Variants in ZBTB20 observed in about 807,000 individuals in gnomAD.
The protein encoded by ZBTB20 is zinc finger and BTB domain-containing protein 20.
ZBTB20 carries 9 observed loss-of-function variants against 56.9 expected under a neutral mutation model. The observed-to-expected ratio is 0.16, with a 90% CI of 0.10 to 0.28. The LOEUF (loss-of-function observed/expected upper bound fraction) is 0.28, where lower values mean the gene tolerates loss of function less well. Among genes scored for constraint, ZBTB20 ranks in the 10% least tolerant of loss-of-function variants. The pLI is 1.00. For synonymous variants in ZBTB20, 417 were observed against 420.7 expected (o/e 0.99, Z 0.11); for missense variants, 655 against 1,003.0 (o/e 0.65, Z 4.69).
intron 2 of ZBTB20, among the ~76,000 whole-genome samples, chr3:114,985,842 G>A (rs949315017): frequency 6.6e-6 from 1 of 152,028 alleles, no homozygotes; most frequent in African/African-American, 2.4e-5. Context: ...TATCTATAAA[G>A]TGCCAAATAA....
chr3:114,914,343 T>C (rs2075661126), intron 3 of ZBTB20, among the ~76,000 whole-genome samples: 2 of 152,186 alleles, frequency 1.3e-5, no homozygotes, highest in Admixed American at 6.6e-5. Context: ...CTATTATAAA[T>C]TGAATTACTT....
At chr3:114,726,591 G>C (rs1308049360) in intron 5 of ZBTB20, among the ~76,000 whole-genome samples, 1 of 152,076 alleles carries the variant, frequency 6.6e-6, no homozygotes, top group Admixed American at 6.5e-5. Flanking sequence ...TAATGCTGCT[G>C]GTCACTTGGA....
intron 6 of ZBTB20, among the ~76,000 whole-genome samples, chr3:114,573,059 G>A (rs1207362283): frequency 6.6e-6 from 1 of 152,120 alleles, no homozygotes; most frequent in Non-Finnish European, 1.5e-5. Flanking sequence ...TGAAAACAAA[G>A]AACAATCTAG....
chr3:114,987,011 T>C (rs1183236536), intron 2 of ZBTB20, among the ~76,000 whole-genome samples: 1 of 152,138 alleles, frequency 6.6e-6, no homozygotes, highest in Non-Finnish European at 1.5e-5. Context: ...CAAAATATTT[T>C]TGTAGCTTCA....
At chr3:114,919,310 C>T (rs2075864737) in intron 3 of ZBTB20, among the ~76,000 whole-genome samples, 2 of 151,852 alleles carry the variant, frequency 1.3e-5, no homozygotes, top group African/African-American at 4.8e-5. Flanking sequence ...AAGGTGACCA[C>T]AGGAAAAAAC....
chr3:115,125,064 C>A (rs1448841077), intron 1 of ZBTB20, among the ~76,000 whole-genome samples: 1 of 151,710 alleles, frequency 6.6e-6, no homozygotes, highest in African/African-American at 2.4e-5. Flanking sequence ...ATATACAGGC[C>A]AGGCATGCTG....
At chr3:114,829,850 A>G (rs922132706) in intron 4 of ZBTB20, among the ~76,000 whole-genome samples, 1 of 151,808 alleles carries the variant, frequency 6.6e-6, no homozygotes, top group African/African-American at 2.4e-5. Flanking sequence ...TTGGTTTTTC[A>G]TAAAGGATCT....
chr3:114,644,100 TAACAA>T (rs144974564), intron 6 of ZBTB20, among the ~76,000 whole-genome samples: 2,148 of 152,058 alleles, frequency 0.014, 51 homozygotes, highest in African/African-American at 0.048. Flanking sequence ...GCCATGATAG[TAACAA>T]AATGAATAAC....
At chr3:114,416,326 TAAA>T (rs35964942) in intron 7 of ZBTB20, among the ~76,000 whole-genome samples, 83,711 of 145,342 alleles carry the variant, frequency 0.58, 27,063 homozygotes, top group Non-Finnish European at 0.74. Context: ...TAGCAATACT[TAAA>T]AAAAAAAAAA....
At chr3:115,013,592 T>C (rs1239474886) in intron 2 of ZBTB20, among the ~76,000 whole-genome samples, 1 of 151,700 alleles carries the variant, frequency 6.6e-6, no homozygotes. Context: ...CTGCTGAATT[T>C]TACCAAACCT....
rs1218181929 is a variant in ZBTB20 at position 114,934,606 on chromosome 3, A to G, written c.-455-34264T>C. Among the ~76,000 whole-genome samples the G allele has an allele frequency of 3.3e-5, 5 of 152,280 alleles. No individual in the cohort carries two copies. In the East Asian group the frequency reaches 9.6e-4, roughly 29 times the overall value. On this transcript the variant is annotated intron_variant, in intron 3 of 11. Coordinates refer to ENST00000675478, the MANE Select transcript of ZBTB20 (RefSeq NM_001348800.3). ...TTAGTGGAAGCTGCAGGCAAGATTT[A>G]TGTGTACTGTGGCCCTTCCTCTTTC...
In ZBTB20 at chr3:114,320,147, A is replaced by G. The variant is rs1011654813; in HGVS notation, c.*18858T>C. On this transcript the variant is annotated 3_prime_UTR_variant, in exon 12 of 12. Coordinates refer to ENST00000675478, the MANE Select transcript of ZBTB20 (RefSeq NM_001348800.3). ...GTATTTTTCTTACTTGATGATATTA[A>G]TCTTTCATGTGGGATGTAGTTTGTA... 2.0e-5 allele frequency: 3 copies of G among 152,108 alleles called. No homozygotes were observed. Among genetic ancestry groups the G allele is most frequent in the African/African-American group, 7.2e-5 (3 of 41,420 alleles). The allele number at this position is 152,108 out of a possible 1,614,324, so 9.4% of individuals were successfully genotyped here. A position where few individuals can be genotyped will look rare whatever the true frequency, so the allele number is the denominator to read the frequency against.
chr3:115,055,189 C>CTCTCTG (rs2081718952), intron 2 of ZBTB20, among the ~76,000 whole-genome samples: 1 of 134,698 alleles, frequency 7.4e-6, no homozygotes, highest in Non-Finnish European at 1.6e-5. Flanking sequence ...TCCTGGTAAT[C>CTCTCTG]TCTCTCTCTC....
chr3:114,778,078 C>T (rs1284625344), intron 5 of ZBTB20, among the ~76,000 whole-genome samples: 13 of 118,410 alleles, frequency 1.1e-4, no homozygotes, highest in African/African-American at 4.0e-4. Flanking sequence ...GGGAACATCA[C>T]ACACTGGGGA....
intron 2 of ZBTB20, among the ~76,000 whole-genome samples, chr3:114,993,271 T>C (rs1362992880): frequency 6.6e-6 from 1 of 151,670 alleles, no homozygotes. Flanking sequence ...GAGAAACAGA[T>C]ATGTAGAAAA....
intron 7 of ZBTB20, among the ~76,000 whole-genome samples, chr3:114,468,652 C>T (rs1006616850): frequency 6.6e-6 from 1 of 152,110 alleles, no homozygotes; most frequent in African/African-American, 2.4e-5. Flanking sequence ...ATTTTGGTTG[C>T]ATTCTGACTT....
Position 114,790,998 on chromosome 3 carries a change from C to T in ZBTB20, c.-343+10103G>A, listed in dbSNP as rs540881998. 2.6e-5 allele frequency among the ~76,000 whole-genome samples: 4 copies of T among 152,036 alleles called. No homozygotes were observed. In the South Asian group the frequency reaches 8.3e-4, roughly 32 times the overall value. On this transcript the variant is annotated intron_variant, in intron 5 of 11. Coordinates refer to ENST00000675478, the MANE Select transcript of ZBTB20 (RefSeq NM_001348800.3). ...CAGATAAAGGACCTTACTCTTGAGA[C>T]CTCAAAGTGATTTACATTTCCACTA...
At chr3:114,942,874 C>G (rs970905852) in intron 3 of ZBTB20, among the ~76,000 whole-genome samples, 2 of 145,398 alleles carry the variant, frequency 1.4e-5, no homozygotes, top group African/African-American at 5.6e-5. Flanking sequence ...ACAAATAACA[C>G]TTTGGAGCTG....
intron 3 of ZBTB20, among the ~76,000 whole-genome samples, chr3:114,972,117 A>G (rs2077908076): frequency 6.6e-6 from 1 of 152,228 alleles, no homozygotes; most frequent in Admixed American, 6.5e-5. Flanking sequence ...TAAAATACCT[A>G]CTTAGAAATT....
Sources: allele counts gnomAD v4.1 joint callset (sites outside exome capture counted in the v4.1 genomes callset), GRCh38; gene constraint gnomAD v4.1.1; transcripts MANE v1.5; gene names NCBI Gene and HGNC (gene_info 2026-07-23, HGNC 2026-07-21).